Variants in PREX1 observed in about 807,000 individuals in gnomAD.
PREX1 encodes the protein phosphatidylinositol 3,4,5-trisphosphate-dependent Rac exchanger 1 protein.
A neutral mutation model predicts 198.3 loss-of-function variants in PREX1; 41 were observed. That is an observed-to-expected ratio of 0.21 (90% confidence interval 0.16 to 0.27). The LOEUF (loss-of-function observed/expected upper bound fraction) is 0.27. Ranked by LOEUF, PREX1 falls within the 10% of genes least tolerant of loss-of-function variation. The pLI, the probability that PREX1 is intolerant of heterozygous loss-of-function variation, is 1.00. For synonymous variants in PREX1, 843 were observed against 887.2 expected, an observed-to-expected ratio of 0.95 and a Z score of 0.89; for missense variants, 1,620 against 2,200.7, an observed-to-expected ratio of 0.74 and a Z score of 5.28.
At chr20:48,656,617 G>A (rs1436536829) in intron 18 of PREX1, 7 of 450,190 alleles carry the variant, frequency 1.6e-5, no homozygotes, top group East Asian at 6.9e-5. Flanking sequence ...CATCTGCTTC[G>A]GGTCTTCACC....
Position 48,684,944 on chromosome 20 carries a change from G to A in PREX1, c.1335-3609C>T, listed in dbSNP as rs557269013. Among the ~76,000 whole-genome samples, 1 of 152,328 alleles carries A rather than the reference G, an allele frequency of 6.6e-6. No individual in the cohort carries two copies. The highest frequency in any genetic ancestry group is 1.9e-4 in the East Asian group (1 of 5,184). ...ACCCTCTCATGGCTGGCTCTTGCTT[G>A]TCTTTCAGATCGTGGTTAAATGTCA... On this transcript the variant is annotated intron_variant, in intron 10 of 39. Coordinates refer to ENST00000371941, the MANE Select transcript of PREX1 (RefSeq NM_020820.4). This position sits in a 1 kb window ranked among gnomAD's most constrained non-coding sequence, Gnocchi z 4.2.
At chr20:48,849,821 G>A in the PREX1 span, among the ~76,000 whole-genome samples, 3 of 152,176 alleles carry the variant, frequency 2.0e-5, no homozygotes, top group African/African-American at 7.2e-5. Context: ...GGGGAGTGGG[G>A]GGGAATAATG....
chr20:48,747,583 C>T (rs6090900), intron 2 of PREX1, among the ~76,000 whole-genome samples: 101 of 152,238 alleles, frequency 6.6e-4, no homozygotes, highest in African/African-American at 2.2e-3. Flanking sequence ...AAGTGGGGCC[C>T]GGGGCTAAAA....
chr20:48,657,147 A>G lies in PREX1; in HGVS notation c.2016T>C (p.Asn672=). The G allele has an allele frequency of 6.2e-7, 1 of 1,613,498 alleles. No individual in the cohort carries two copies. Among genetic ancestry groups the G allele is most frequent in the Non-Finnish European group, 8.5e-7 (1 of 1,179,792 alleles). The change falls in exon 18 of 40, where the codon AAT becomes AAC. Residue 672 remains asparagine (N), a synonymous_variant. Coordinates refer to ENST00000371941, the MANE Select transcript of PREX1 (RefSeq NM_020820.4). ...ACGGCCGCAGGAACACCAGGTCCTC[A>G]TTGATGGAGTAGATCTTCCTCCCCA... ...LQVGRKIYSI[N]EDLVFLRPFS...
intron 3 of PREX1, among the ~76,000 whole-genome samples, chr20:48,741,684 C>T (rs2090082770): frequency 1.3e-5 from 2 of 152,098 alleles, no homozygotes; most frequent in African/African-American, 4.8e-5. Context: ...TTGAGAATGA[C>T]AGAGTAGGGG....
intron 4 of PREX1, among the ~76,000 whole-genome samples, chr20:48,729,313 G>A (rs528916623): frequency 1.2e-4 from 18 of 152,248 alleles, no homozygotes; most frequent in Middle Eastern, 3.4e-3. Context: ...CTGACCTCAG[G>A]TGATCTGCCT....
intron 14 of PREX1, among the ~76,000 whole-genome samples, chr20:48,667,416 C>G (rs553375336): frequency 2.4e-4 from 37 of 152,274 alleles, no homozygotes; most frequent in Admixed American, 2.2e-3. Context: ...ATCTTCCCCC[C>G]CAGGTAAAAG....
intron 5 of PREX1, among the ~76,000 whole-genome samples, chr20:48,719,643 C>T (rs986962625): frequency 2.0e-4 from 31 of 152,272 alleles, no homozygotes; most frequent in Admixed American, 1.9e-3. Context: ...AATAGAAGGA[C>T]TCTGGGAAAT....
At chr20:48,705,044 T>C (rs1023608402) in intron 6 of PREX1, among the ~76,000 whole-genome samples, 7 of 152,246 alleles carry the variant, frequency 4.6e-5, no homozygotes, top group African/African-American at 7.2e-5. Context: ...CCCACTTTGC[T>C]GCCAGGGCTC....
intron 18 of PREX1, among the ~76,000 whole-genome samples, chr20:48,656,699 A>T: frequency 6.6e-6 from 1 of 151,954 alleles, no homozygotes; most frequent in Non-Finnish European, 1.5e-5. Context: ...GTTTATAGAA[A>T]CTTATCTGTG....
chr20:48,651,817 G>A (rs1461408605), intron 21 of PREX1, among the ~76,000 whole-genome samples: 1 of 152,256 alleles, frequency 6.6e-6, no homozygotes, highest in East Asian at 1.9e-4. Flanking sequence ...TGAGGACAGA[G>A]GGAGCCATCG....
chr20:48,671,132 A>G (rs892784362), intron 14 of PREX1, among the ~76,000 whole-genome samples: 1 of 152,156 alleles, frequency 6.6e-6, no homozygotes, highest in African/African-American at 2.4e-5. Flanking sequence ...ACTATCAGCA[A>G]TCTCGGTTCT....
chr20:48,654,942 TTC>T, intron 19 of PREX1, among the ~76,000 whole-genome samples: 1 of 152,344 alleles, frequency 6.6e-6, no homozygotes, highest in Middle Eastern at 3.4e-3. Flanking sequence ...CATTGGTGGC[TTC>T]TCTTAGAAAA....
At chr20:48,845,336 G>T in the PREX1 span, among the ~76,000 whole-genome samples, 1 of 152,198 alleles carries the variant, frequency 6.6e-6, no homozygotes, top group Non-Finnish European at 1.5e-5. Flanking sequence ...GTGATCAGGG[G>T]AGGCTTCCAT....
At chr20:48,646,171 G>T in intron 25 of PREX1, 114 bp from the exon 26 acceptor site, 1 of 1,036,520 alleles carries the variant, frequency 9.6e-7, no homozygotes, top group Non-Finnish European at 1.4e-6. Context: ...GTTGGGGGTG[G>T]GAGACTCGCA....
chr20:48,697,181 C>G (rs1218549756), intron 7 of PREX1, among the ~76,000 whole-genome samples: 4 of 152,074 alleles, frequency 2.6e-5, no homozygotes, highest in Admixed American at 1.3e-4. Flanking sequence ...TGTATTTCTT[C>G]CACTTGACCA....
intron 31 of PREX1, among the ~76,000 whole-genome samples, chr20:48,636,981 C>G (rs1360661193): frequency 2.0e-5 from 3 of 152,278 alleles, no homozygotes; most frequent in Non-Finnish European, 2.9e-5. Flanking sequence ...TCCCAAGACC[C>G]TCACCCTCAG....
In PREX1 at chr20:48,639,905, A is replaced by G; in HGVS notation, c.3776-11T>C. On this transcript the variant is annotated splice_polypyrimidine_tract_variant and intron_variant, in intron 29 of 39. Coordinates refer to ENST00000371941, the MANE Select transcript of PREX1 (RefSeq NM_020820.4). ...CTTTCTGTTTAAACTCTGGGGCAGG[A>G]AAGTGGCATGAGGGCCAGGGAAGGG... The G allele has an allele frequency of 6.2e-7, 1 of 1,613,748 alleles. No homozygotes were observed. Among genetic ancestry groups the G allele is most frequent in the Non-Finnish European group, 8.5e-7 (1 of 1,179,768 alleles).
At chr20:48,777,522 G>C (rs1004111155) in intron 1 of PREX1, among the ~76,000 whole-genome samples, 2 of 152,086 alleles carry the variant, frequency 1.3e-5, no homozygotes, top group African/African-American at 4.8e-5. Flanking sequence ...AAATATCTGA[G>C]AACAAAACTT....
Sources: allele counts gnomAD v4.1 joint callset (sites outside exome capture counted in the v4.1 genomes callset), GRCh38; gene constraint gnomAD v4.1.1; non-coding constraint Gnocchi (gnomAD v3.1); transcripts MANE v1.5; gene names NCBI Gene and HGNC (gene_info 2026-07-23, HGNC 2026-07-21).